EPHX4: variants seen among roughly 807,000 people sequenced by gnomAD.
EPHX4 encodes abhydrolase domain containing 7.
Under a neutral mutation model 44.9 loss-of-function variants are expected in EPHX4, and 31 were observed. The observed-to-expected ratio is 0.69, with a 90% CI of 0.52 to 0.93. EPHX4 has a LOEUF of 0.93. Ranked by LOEUF, EPHX4 falls within the 40% of genes least tolerant of loss-of-function variation. EPHX4 has a pLI of 0.00. For synonymous variants in EPHX4, 151 were observed against 159.7 expected (o/e 0.95, Z 0.41); for missense variants, 373 against 438.1 (o/e 0.85, Z 1.33).
intron 2 of EPHX4, among the ~76,000 whole-genome samples, chr1:92,039,902 CT>C (rs1390417593): frequency 1.3e-5 from 2 of 152,200 alleles, no homozygotes; most frequent in African/African-American, 4.8e-5. Flanking sequence ...CATCCGCCCA[CT>C]TTGGCCTTCC....
chr1:92,060,423 T>C (rs1647469630), intron 6 of EPHX4, among the ~76,000 whole-genome samples: 1 of 149,968 alleles, frequency 6.7e-6, no homozygotes, highest in Non-Finnish European at 1.5e-5. Context: ...GCCTGGGTGA[T>C]ACGTCAAGAC....
At chr1:92,059,136 A>AATAAAG (rs1202153723) in intron 6 of EPHX4, among the ~76,000 whole-genome samples, 1 of 152,182 alleles carries the variant, frequency 6.6e-6, no homozygotes, top group African/African-American at 2.4e-5. Flanking sequence ...AAAAATAAAG[A>AATAAAG]ATAAAGATAA....
intron 6 of EPHX4, 115 bp downstream of exon 6, chr1:92,052,773 T>G: frequency 1.1e-6 from 1 of 920,096 alleles, no homozygotes; most frequent in Non-Finnish European, 1.5e-6. Flanking sequence ...ATAAGGTATT[T>G]TAATTTTTTT....
rs1326928763 is a variant in EPHX4 at position 92,030,485 on chromosome 1, T to TGTGTGTGTGTGTGTGA, written c.231+176_231+177insTGTGTGTGTGTGTGAG. Among the ~76,000 whole-genome samples, 63 of 138,706 alleles carry TGTGTGTGTGTGTGTGA rather than the reference T, an allele frequency of 4.5e-4. 1 individual carries two copies. The highest frequency in any genetic ancestry group is 1.6e-3 in the South Asian group (7 of 4,354). The allele number at this position is 138,706 out of a possible 152,430, so 91.0% of individuals were successfully genotyped here. A position where few individuals can be genotyped will look rare whatever the true frequency, so the allele number is the denominator to read the frequency against. On this transcript the variant is annotated intron_variant, in intron 1 of 6. Transcript: ENST00000370383. ...GTGTGTGTGTGTGTGTGTGTGTGTG[T>TGTGTGTGTGTGTGTGA]GAGAGAGAGAGAGAGAGAGAGAGAT...
intron 6 of EPHX4, among the ~76,000 whole-genome samples, chr1:92,056,779 C>T (rs1251443516): frequency 1.3e-5 from 2 of 151,816 alleles, no homozygotes; most frequent in Admixed American, 6.6e-5. Flanking sequence ...CCATACCCAG[C>T]CTATTCAAAC....
At chr1:92,059,892 T>G (rs930861093) in intron 6 of EPHX4, among the ~76,000 whole-genome samples, 1 of 151,902 alleles carries the variant, frequency 6.6e-6, no homozygotes, top group Non-Finnish European at 1.5e-5. Context: ...GGTCTCACTT[T>G]GTTGTTGCTC....
chr1:92,049,039 T>C (rs1398479422), intron 4 of EPHX4, among the ~76,000 whole-genome samples: 1 of 151,384 alleles, frequency 6.6e-6, no homozygotes, highest in African/African-American at 2.4e-5. Flanking sequence ...TATATATGTA[T>C]ATATATTTAT....
At chr1:92,062,925 G>A in intron 6 of EPHX4, 130 bp from the exon 7 acceptor site, 1 of 734,730 alleles carries the variant, frequency 1.4e-6, no homozygotes, top group East Asian at 2.5e-5. Flanking sequence ...ACCCTCCCAA[G>A]AACACAATTT....
At chr1:92,050,249 A>G (rs1192779368) in intron 4 of EPHX4, 68 bp from the exon 5 acceptor site, 2 of 966,964 alleles carry the variant, frequency 2.1e-6, no homozygotes, top group African/African-American at 1.7e-5. Flanking sequence ...TGTCCTAAAA[A>G]GAAGTTCTTC....
chr1:92,062,814 T>C (rs1055384230), intron 6 of EPHX4, among the ~76,000 whole-genome samples: 2 of 151,882 alleles, frequency 1.3e-5, no homozygotes, highest in East Asian at 3.9e-4. Flanking sequence ...CTTTTTAGAC[T>C]TTTTTTTCCC....
chr1:92,046,376 G>A (rs1688581144), intron 4 of EPHX4, among the ~76,000 whole-genome samples: 1 of 152,154 alleles, frequency 6.6e-6, no homozygotes, highest in Admixed American at 6.5e-5. Context: ...TTGGAAAAGG[G>A]AGGAGTATTT....
chr1:92,063,169 C>T lies in EPHX4; in HGVS notation c.972C>T (p.Asn324=), dbSNP rs1188776896. ...AAGTCACAAAGATTTATGTTAAAAA[C>T]TATTTCAGGCTAACTATTTTGTCAG... is the stretch of plus-strand genomic sequence containing the variant. ...MAEVTKIYVK[N]YFRLTILSEA... The change falls in exon 7 of 7, where the codon AAC becomes AAT. Residue 324 remains asparagine, a synonymous_variant. Transcript: ENST00000370383. 2 of 1,614,130 alleles carry T rather than the reference C, an allele frequency of 1.2e-6. No homozygotes were observed. Among genetic ancestry groups the T allele is most frequent in the East Asian group, 4.5e-5 (2 of 44,884 alleles).
intron 2 of EPHX4, among the ~76,000 whole-genome samples, chr1:92,035,059 C>T: frequency 6.6e-6 from 1 of 152,138 alleles, no homozygotes; most frequent in East Asian, 1.9e-4. Flanking sequence ...GCAAAGACAC[C>T]TATACCTAAT....
chr1:92,031,316 C>T (rs776575247), intron 1 of EPHX4, among the ~76,000 whole-genome samples: 1 of 152,126 alleles, frequency 6.6e-6, no homozygotes, highest in Non-Finnish European at 1.5e-5. Context: ...AGACTCACCA[C>T]CAATAAAAAA....
rs1647279272 is a variant in EPHX4 at position 92,052,417 on chromosome 1, CA to C, written c.709-92del. ...GAGCAGAAATTAGGAGTTGTCACCA[CA>C]CAATGACCACCATCCCCTTTCCAAA... On this transcript the variant is annotated intron_variant, in intron 5 of 6. Coordinates refer to ENST00000370383, the MANE Select transcript of EPHX4 (RefSeq NM_173567.5). 2.4e-6 allele frequency: 3 copies of C among 1,239,760 alleles called. No individual in the cohort carries two copies. The Admixed American group carries it at 8.2e-5, about 34-fold the overall frequency. 76.8% of individuals were successfully genotyped at this position (1,239,760 alleles called of 1,614,324 possible). A position where few individuals can be genotyped will look rare whatever the true frequency, so the allele number is the denominator to read the frequency against.
intron 2 of EPHX4, among the ~76,000 whole-genome samples, chr1:92,036,054 A>C (rs189729521): frequency 6.6e-6 from 1 of 152,366 alleles, no homozygotes; most frequent in East Asian, 1.9e-4. Flanking sequence ...ATCAGCCAAC[A>C]ATATAAAAAT....
intron 3 of EPHX4, among the ~76,000 whole-genome samples, chr1:92,044,325 C>T (rs1228251898): frequency 6.6e-6 from 1 of 152,120 alleles, no homozygotes; most frequent in Non-Finnish European, 1.5e-5. Flanking sequence ...TGTGATAATT[C>T]AGTCAGACCT....
intron 6 of EPHX4, among the ~76,000 whole-genome samples, chr1:92,057,483 T>A (rs1006498548): frequency 2.6e-4 from 40 of 152,258 alleles, no homozygotes; most frequent in African/African-American, 8.9e-4. Flanking sequence ...CATGAAGAAT[T>A]CAAAAACATG....
In EPHX4 at chr1:92,044,413, C is replaced by T. The variant is rs115561959; in HGVS notation, c.476-1119C>T. On this transcript the variant is annotated intron_variant, in intron 3 of 6. Transcript: ENST00000370383. ...ATTTATGCATGTGTGTTTATGTCTACGTGTGTGTATTAGTATAGTAGTGAG... is the reference window on the plus strand; with the variant it reads ...ATTTATGCATGTGTGTTTATGTCTATGTGTGTGTATTAGTATAGTAGTGAG... 3.1e-3 allele frequency among the ~76,000 whole-genome samples: 474 copies of T among 152,168 alleles called. 3 individuals carry two copies. The highest frequency in any genetic ancestry group is 0.011 in the African/African-American group (456 of 41,504).
Sources: gnomAD v4.1 joint callset for allele counts (sites outside exome capture counted in the v4.1 genomes callset) on GRCh38, gnomAD v4.1.1 for gene constraint, MANE v1.5 for transcripts, NCBI Gene and HGNC (gene_info 2026-07-23, HGNC 2026-07-21) for gene names.